ANKH: variants seen among roughly 807,000 people sequenced by gnomAD.
ANKH encodes the protein ANKH inorganic pyrophosphate transport regulator, also known as mineralization regulator ANKH.
A neutral mutation model predicts 49.0 loss-of-function variants in ANKH; 15 were observed. The ratio of observed to expected loss-of-function variants is 0.31; its 90% CI spans 0.20 to 0.47. The LOEUF (loss-of-function observed/expected upper bound fraction) is 0.47, where lower values mean the gene tolerates loss of function less well. Among genes scored for constraint, ANKH ranks in the 20% least tolerant of loss-of-function variants. The pLI is 1.00. For synonymous variants in ANKH, 273 were observed against 260.0 expected (o/e 1.05, Z -0.48); for missense variants, 429 against 652.0 (o/e 0.66, Z 3.72).
intron 1 of ANKH, among the ~76,000 whole-genome samples, chr5:14,789,070 A>G (rs1278979677): frequency 6.6e-6 from 1 of 152,178 alleles, no homozygotes; most frequent in African/African-American, 2.4e-5. Context: ...CTCTACAAAA[A>G]TACAAAAATT....
At chr5:14,716,673 C>T in intron 9 of ANKH, 33 bp downstream of exon 9, 1 of 1,613,054 alleles carries the variant, frequency 6.2e-7, no homozygotes, top group Non-Finnish European at 8.5e-7. Context: ...TGAGGATAAA[C>T]AGGAATGCTT....
chr5:14,730,075 G>T (rs1303963039), intron 8 of ANKH, among the ~76,000 whole-genome samples: 1 of 152,180 alleles, frequency 6.6e-6, no homozygotes, highest in East Asian at 1.9e-4. Flanking sequence ...TCCATGCTGG[G>T]TTCTACAGAA....
chr5:14,773,210 T>C (rs1302755408), intron 1 of ANKH, among the ~76,000 whole-genome samples: 1 of 152,206 alleles, frequency 6.6e-6, no homozygotes, highest in African/African-American at 2.4e-5. Flanking sequence ...AAATCTAGGA[T>C]TGTCAATTGT....
chr5:14,767,498 A>C (rs573665908), intron 2 of ANKH, among the ~76,000 whole-genome samples: 29 of 152,322 alleles, frequency 1.9e-4, no homozygotes, highest in African/African-American at 7.0e-4. Context: ...TTAAATTTAA[A>C]ATTTTATAAT....
intron 1 of ANKH, among the ~76,000 whole-genome samples, chr5:14,772,679 C>T (rs1031789550): frequency 3.9e-5 from 6 of 152,202 alleles, no homozygotes; most frequent in African/African-American, 7.2e-5. Flanking sequence ...TATCTATGTG[C>T]GAAACTCACC....
chr5:14,815,714 T>C (rs890461710), intron 1 of ANKH, among the ~76,000 whole-genome samples: 1 of 152,132 alleles, frequency 6.6e-6, no homozygotes, highest in Non-Finnish European at 1.5e-5. Context: ...GAAAAAGGAA[T>C]GACAATGTAT....
At chr5:14,797,091 G>A (rs1220952548) in intron 1 of ANKH, 1 of 1,355,442 alleles carries the variant, frequency 7.4e-7, no homozygotes, top group Non-Finnish European at 1.0e-6. Context: ...AGAAAAAAGG[G>A]GAGTCTAAAA....
At chr5:14,825,477 G>A (rs563958972) in intron 1 of ANKH, among the ~76,000 whole-genome samples, 4 of 152,046 alleles carry the variant, frequency 2.6e-5, no homozygotes, top group Non-Finnish European at 2.9e-5. Flanking sequence ...TCAGCCTCCC[G>A]AGTAGCTGAG....
At chr5:14,726,722 ACT>A (rs966603621) in intron 8 of ANKH, among the ~76,000 whole-genome samples, 3 of 152,300 alleles carry the variant, frequency 2.0e-5, no homozygotes, top group Admixed American at 6.5e-5. Flanking sequence ...ATCAGGACAC[ACT>A]CTCAGATTCC....
rs1739396237 is a variant in ANKH, at chr5:14,770,404, CCTATGTTTTTTCCTATATATA to C, written c.97-1234_97-1214del. 1.3e-5 allele frequency among the ~76,000 whole-genome samples: 2 copies of C among 152,202 alleles called. No homozygotes were observed. Among genetic ancestry groups the C allele is most frequent in the African/African-American group, 2.4e-5 (1 of 41,514 alleles). On this transcript the variant is annotated intron_variant, in intron 1 of 11. Coordinates refer to ENST00000284268, the MANE Select transcript of ANKH (RefSeq NM_054027.6). This position sits in a 1 kb window ranked among gnomAD's most constrained non-coding sequence, Gnocchi z 4.1. ...TGAATGCCTGAAACCATGGAAAGTA[CCTATGTTTTTTCCTATATATA>C]CTATGTTTTTTCCTATATATACATA...
intron 1 of ANKH, among the ~76,000 whole-genome samples, chr5:14,852,677 G>C (rs1319344144): frequency 6.6e-6 from 1 of 152,108 alleles, no homozygotes; most frequent in Non-Finnish European, 1.5e-5. Flanking sequence ...CCTAGCAGCA[G>C]ACAACTGGCC....
At chr5:14,822,671 A>G (rs970224585) in intron 1 of ANKH, among the ~76,000 whole-genome samples, 1 of 152,210 alleles carries the variant, frequency 6.6e-6, no homozygotes, top group Admixed American at 6.5e-5. Flanking sequence ...TTTCACGACC[A>G]CAGATATTCA....
At position 14,793,023 on chromosome 5, in the gene ANKH, T is replaced by TATATATATAAAAAATATATATAA. The variant is rs1385758620; in HGVS notation, c.97-23833_97-23832insTTATATATATTTTTTATATATAT. 4.5e-5 allele frequency among the ~76,000 whole-genome samples: 3 copies of TATATATATAAAAAATATATATAA among 66,586 alleles called. No individual in the cohort carries two copies. The South Asian group carries it at 1.3e-3, about 28-fold the overall frequency. 43.7% of individuals were successfully genotyped at this position (66,586 alleles called of 152,430 possible). On this transcript the variant is annotated intron_variant, in intron 1 of 11. Transcript: ENST00000284268. ...ATATATATAAATATATATATATAAA[T>TATATATATAAAAAATATATATAA]ATATATATATAAAAATATATATATA...
At chr5:14,866,967 G>A (rs1281841669) in intron 1 of ANKH, among the ~76,000 whole-genome samples, 1 of 151,990 alleles carries the variant, frequency 6.6e-6, no homozygotes, top group Non-Finnish European at 1.5e-5. Flanking sequence ...GACCAGCCTG[G>A]GCAACATGGT....
rs1197004045 is a variant in ANKH at position 14,741,833 on chromosome 5, T to C, written c.1005A>G (p.Ser335=). Residue 335 remains serine (S), a synonymous_variant, in exon 8 of 12, where the codon TCA becomes TCG. Coordinates refer to ENST00000284268, the MANE Select transcript of ANKH (RefSeq NM_054027.6). ...KKFTFVCMAL[S]LTLCFVMFWT... The stretch of plus-strand genomic sequence containing the variant: ...AGAGAGCCTCTGTCCTTACCGTGAG[T>C]GACAGAGCCATGCAGACGAAGGTGA... The C allele has an allele frequency of 6.2e-7, 1 of 1,612,816 alleles. No homozygotes were observed. Among genetic ancestry groups the C allele is most frequent in the Non-Finnish European group, 8.5e-7 (1 of 1,178,948 alleles).
chr5:14,793,358 C>A (rs1017763429), intron 1 of ANKH, among the ~76,000 whole-genome samples: 1 of 151,756 alleles, frequency 6.6e-6, no homozygotes, highest in African/African-American at 2.4e-5. Flanking sequence ...AAGACCTAAC[C>A]CCTAAATGTT....
rs1445777022 is a variant in ANKH, at chr5:14,706,403, TTTTCAAAAATGA to T, written c.*4782_*4793del. ...GGAACCACTTGGACTTGACAGAGGT[TTTTCAAAAATGA>T]TTTAGGAGGCCCACCTTTGATGCTC... On this transcript the variant is annotated 3_prime_UTR_variant, in exon 12 of 12. Transcript: ENST00000284268. 6.6e-6 allele frequency: 1 copy of T among 152,216 alleles called. No individual in the cohort carries two copies. The highest frequency in any genetic ancestry group is 1.5e-5 in the Non-Finnish European group (1 of 68,024). 9.4% of individuals were successfully genotyped at this position (152,216 alleles called of 1,614,324 possible).
At chr5:14,820,547 A>C (rs1741169299) in intron 1 of ANKH, among the ~76,000 whole-genome samples, 1 of 152,216 alleles carries the variant, frequency 6.6e-6, no homozygotes, top group Non-Finnish European at 1.5e-5. Flanking sequence ...GATTCTTACA[A>C]AACTCACCTA....
chr5:14,716,254 C>G (rs1346103331), intron 9 of ANKH, among the ~76,000 whole-genome samples: 2 of 152,150 alleles, frequency 1.3e-5, no homozygotes, highest in Admixed American at 6.5e-5. Flanking sequence ...GTAATCCCAG[C>G]ACTTTGCCGA....
Sources: gnomAD v4.1 joint callset for allele counts (sites outside exome capture counted in the v4.1 genomes callset) on GRCh38, gnomAD v4.1.1 for gene constraint, Gnocchi (gnomAD v3.1) non-coding constraint, MANE v1.5 for transcripts, NCBI Gene and HGNC (gene_info 2026-07-23, HGNC 2026-07-21) for gene names.